ARHGEF11: variants seen among roughly 807,000 people sequenced by gnomAD.
The protein encoded by ARHGEF11 is Rho guanine nucleotide exchange factor 11.
ARHGEF11 carries 55 observed loss-of-function variants against 193.7 expected under a neutral mutation model. The ratio of observed to expected loss-of-function variants is 0.28; its 90% CI spans 0.23 to 0.36. The LOEUF (loss-of-function observed/expected upper bound fraction) is 0.36. ARHGEF11 is among the 10% of genes least tolerant of loss of function. The pLI, the probability that ARHGEF11 is intolerant of heterozygous loss-of-function variation, is 1.00. For synonymous variants in ARHGEF11, 693 were observed against 768.0 expected (o/e 0.90, Z 1.62); for missense variants, 1,723 against 2,005.6 (o/e 0.86, Z 2.69).
chr1:156,978,147 T>G, intron 6 of ARHGEF11, 57 bp downstream of exon 6: 1 of 1,608,050 alleles, frequency 6.2e-7, no homozygotes, highest in African/African-American at 1.3e-5. Context: ...TCCTCCCCAA[T>G]GCGGAGCTTT....
At position 156,946,785 on chromosome 1, in the gene ARHGEF11, A is replaced by C. The variant is rs978254368; in HGVS notation, c.2571T>G (p.Phe857Leu). 1 of 1,614,090 alleles carries C rather than the reference A, an allele frequency of 6.2e-7. No homozygotes were observed. The highest frequency in any genetic ancestry group is 1.3e-5 in the African/African-American group (1 of 74,920). The change falls in exon 28 of 41, where the codon TTT becomes TTG. Residue 857 changes from phenylalanine (F) to leucine (L), a missense_variant and splice_region_variant. Transcript: ENST00000368194. ...GGAGTTCCTCTCGGGCAGGGCCATC[A>C]AACTGAAGAGGCAGAATGGACACGG... is the stretch of plus-strand genomic sequence containing the variant. ...KEISDLMLAR[F>L]DGPAREELQQ...
In ARHGEF11 at chr1:157,044,494, C is replaced by G; in HGVS notation, c.-164G>C. The G allele has an allele frequency of 1.7e-6, 1 of 578,452 alleles. No homozygotes were observed. The highest frequency in any genetic ancestry group is 2.8e-4 in the Middle Eastern group (1 of 3,514). The allele number at this position is 578,452 out of a possible 1,614,324, so 35.8% of individuals were successfully genotyped here. The stretch of plus-strand genomic sequence containing the variant: ...GGACCCTGGTAACTGATGCTCCACT[C>G]TACTTCTACCAGTGAACATGATTTC... On this transcript the variant is annotated 5_prime_UTR_variant, in exon 1 of 41. Coordinates refer to ENST00000368194, the MANE Select transcript of ARHGEF11 (RefSeq NM_198236.3).
At chr1:156,951,435 G>A (rs1192960830) in intron 22 of ARHGEF11, 138 bp downstream of exon 22, 1 of 1,141,998 alleles carries the variant, frequency 8.8e-7, no homozygotes, top group Non-Finnish European at 1.2e-6. Flanking sequence ...AAGATACTGG[G>A]GGTGGGGAGG....
rs1055100368 is a variant in ARHGEF11, at chr1:157,044,547, G to A, written c.-217C>T. Reference sequence around the variant, plus strand: ...TTCTCAGCCCCTCTTCCCCTCCCCCGCTTTAAAAAAAAAGAAAAGAAAAGA... The same window carrying A: ...TTCTCAGCCCCTCTTCCCCTCCCCCACTTTAAAAAAAAAGAAAAGAAAAGA... On this transcript the variant is annotated 5_prime_UTR_variant, in exon 1 of 41. Coordinates refer to ENST00000368194, the MANE Select transcript of ARHGEF11 (RefSeq NM_198236.3). 9.8e-6 allele frequency: 4 copies of A among 409,300 alleles called. No homozygotes were observed. The highest frequency in any genetic ancestry group is 1.7e-5 in the Non-Finnish European group (4 of 234,212). 25.4% of individuals were successfully genotyped at this position (409,300 alleles called of 1,614,324 possible). A position where few individuals can be genotyped will look rare whatever the true frequency, so the allele number is the denominator to read the frequency against.
intron 1 of ARHGEF11, among the ~76,000 whole-genome samples, chr1:156,996,255 T>C (rs1666475224): frequency 6.6e-6 from 1 of 152,128 alleles, no homozygotes; most frequent in Non-Finnish European, 1.5e-5. Context: ...CAGTGAAGCA[T>C]CAACTAAATA....
chr1:156,980,833 C>G (rs1158394734), intron 3 of ARHGEF11, among the ~76,000 whole-genome samples: 3 of 33,670 alleles, frequency 8.9e-5, no homozygotes, highest in Admixed American at 3.8e-4. Context: ...AGTTATATTC[C>G]GGGGGGGGGG....
chr1:156,953,679 T>C (rs1659456708), intron 21 of ARHGEF11, among the ~76,000 whole-genome samples: 1 of 151,802 alleles, frequency 6.6e-6, no homozygotes, highest in Non-Finnish European at 1.5e-5. Flanking sequence ...TTGCTGTCTC[T>C]CTCTCTCTCT....
intron 1 of ARHGEF11, among the ~76,000 whole-genome samples, chr1:157,011,684 C>T (rs933658549): frequency 6.6e-6 from 1 of 152,066 alleles, no homozygotes; most frequent in African/African-American, 2.4e-5. Flanking sequence ...TGAAAAGATA[C>T]TTCTCCAAAG....
rs1395567848 is a variant in ARHGEF11, at chr1:156,960,406, G to A, written c.1282+12C>T. 10 of 1,613,888 alleles carry A rather than the reference G, an allele frequency of 6.2e-6. No homozygotes were observed. Among genetic ancestry groups the A allele is most frequent in the Middle Eastern group, 1.6e-4 (1 of 6,084 alleles). ...ACCAAGAAGAGACTTACCGACCAAT[G>A]AGCCAACTTACCAATTTCAGCCTGT... On this transcript the variant is annotated intron_variant, in intron 15 of 40. Transcript: ENST00000368194.
chr1:156,940,789 G>A (rs1656688594), intron 35 of ARHGEF11, among the ~76,000 whole-genome samples: 1 of 152,156 alleles, frequency 6.6e-6, no homozygotes, highest in Non-Finnish European at 1.5e-5. Context: ...TGGGCCAAGA[G>A]GACACTGGAA....
At chr1:156,979,484 C>T (rs781701079) in intron 4 of ARHGEF11, among the ~76,000 whole-genome samples, 198 bp from the exon 5 acceptor site, 1 of 151,496 alleles carries the variant, frequency 6.6e-6, no homozygotes, top group African/African-American at 2.4e-5. Flanking sequence ...CCTGCCTCAG[C>T]CTCCTGAGTA....
In ARHGEF11 at chr1:156,939,584, T is replaced by C; in HGVS notation, c.4060A>G (p.Thr1354Ala). 1 of 1,613,150 alleles carries C rather than the reference T, an allele frequency of 6.2e-7. No homozygotes were observed. Among genetic ancestry groups the C allele is most frequent in the South Asian group, 1.1e-5 (1 of 91,092 alleles). Residue 1354 changes from threonine (T) to alanine (A), a missense_variant, in exon 37 of 41, where the codon ACA becomes GCA. This residue lies in a region of ARHGEF11 where 360 missense variants were observed against 344.4 expected (regional missense o/e 1.05). Transcript: ENST00000368194. ...ACTTTGTAACCTCCTGCTGCCTCTG[T>C]GCTTGAAGCATCTTCAGCCAGATTC... is the stretch of plus-strand genomic sequence containing the variant. ...DRNLAEDASS[T>A]EAAGGYKVVR...
intron 1 of ARHGEF11, among the ~76,000 whole-genome samples, chr1:156,992,510 C>T (rs895166222): frequency 2.0e-5 from 3 of 152,272 alleles, no homozygotes; most frequent in South Asian, 2.1e-4. Flanking sequence ...ACAGGGTGGG[C>T]GACAAAGCAA....
At chr1:157,011,160 A>T (rs1384546378) in intron 1 of ARHGEF11, among the ~76,000 whole-genome samples, 1 of 152,220 alleles carries the variant, frequency 6.6e-6, no homozygotes, top group Non-Finnish European at 1.5e-5. Flanking sequence ...TCAATAAAAC[A>T]GAACATCCAG....
chr1:156,993,538 T>C (rs891170969), intron 1 of ARHGEF11, among the ~76,000 whole-genome samples: 2 of 152,144 alleles, frequency 1.3e-5, no homozygotes, highest in African/African-American at 4.8e-5. Context: ...GGCCCTTCCC[T>C]AAAGACAAGA....
At chr1:156,949,843 C>T (rs1473413577) in intron 22 of ARHGEF11, among the ~76,000 whole-genome samples, 4 of 152,134 alleles carry the variant, frequency 2.6e-5, no homozygotes, top group Non-Finnish European at 5.9e-5. Flanking sequence ...GTATTGCCTT[C>T]TAGAACTGGG....
chr1:156,947,120 G>T, intron 26 of ARHGEF11, 105 bp from the exon 27 acceptor site: 2 of 1,510,616 alleles, frequency 1.3e-6, no homozygotes. Context: ...CATGGGAAGG[G>T]TCTGGAAACC....
At chr1:156,992,326 T>C (rs1258279642) in intron 1 of ARHGEF11, among the ~76,000 whole-genome samples, 2 of 152,226 alleles carry the variant, frequency 1.3e-5, no homozygotes, top group Admixed American at 6.5e-5. Context: ...GCAGCCCGCA[T>C]TGGCGCACAC....
intron 1 of ARHGEF11, among the ~76,000 whole-genome samples, chr1:157,008,662 G>T: frequency 6.6e-6 from 1 of 152,154 alleles, no homozygotes; most frequent in East Asian, 1.9e-4. Flanking sequence ...TAGAACCCAG[G>T]GCTCCTATTC....
Sources: allele counts gnomAD v4.1 joint callset (sites outside exome capture counted in the v4.1 genomes callset), GRCh38; gene constraint gnomAD v4.1.1; regional missense constraint gnomAD v4.1.1; transcripts MANE v1.5; gene names NCBI Gene and HGNC (gene_info 2026-07-23, HGNC 2026-07-21).